GREB1L: variants seen among roughly 807,000 people sequenced by gnomAD.
GREB1L encodes GREB1 like retinoic acid receptor coactivator.
Under a neutral mutation model 200.8 loss-of-function variants are expected in GREB1L, and 17 were observed. That is an observed-to-expected ratio of 0.08 (90% confidence interval 0.06 to 0.13). The LOEUF is 0.13. Ranked by LOEUF, GREB1L falls within the 10% of genes least tolerant of loss-of-function variation. The probability of loss-of-function intolerance (pLI) is 1.00; values close to 1 mark genes in which losing one functional copy is unlikely to be tolerated. For missense variants in GREB1L, 1,657 were observed against 2,367.7 expected (o/e 0.70, Z 6.23); for synonymous variants, 789 against 893.0 (o/e 0.88, Z 2.08).
intron 4 of GREB1L, among the ~76,000 whole-genome samples, chr18:21,386,578 G>A (rs1260324296): frequency 6.8e-6 from 1 of 147,900 alleles, no homozygotes; most frequent in East Asian, 2.0e-4. Context: ...GTGAGCCACT[G>A]TGCCTGGCCA....
At chr18:21,458,002 CTTG>C (rs1299739962) in intron 15 of GREB1L, among the ~76,000 whole-genome samples, 2 of 131,562 alleles carry the variant, frequency 1.5e-5, no homozygotes, top group African/African-American at 5.9e-5. Flanking sequence ...GAGTTTTGCT[CTTG>C]TTGTACAGGC....
At chr18:21,353,989 G>A (rs1178055360) in intron 1 of GREB1L, among the ~76,000 whole-genome samples, 3 of 151,932 alleles carry the variant, frequency 2.0e-5, no homozygotes, top group African/African-American at 7.2e-5. Context: ...GGGTTTTACC[G>A]TGTTGGCCAG....
At chr18:21,304,273 CTGATA>C (rs2038664732) in intron 1 of GREB1L, among the ~76,000 whole-genome samples, 1 of 151,660 alleles carries the variant, frequency 6.6e-6, no homozygotes, top group Non-Finnish European at 1.5e-5. Flanking sequence ...TGGTCATTCT[CTGATA>C]TAAGTTATTG....
chr18:21,315,409 A>G (rs1008572581), intron 1 of GREB1L, among the ~76,000 whole-genome samples: 4 of 152,212 alleles, frequency 2.6e-5, no homozygotes, highest in African/African-American at 9.6e-5. Context: ...GACATTGATC[A>G]TTAAGAATTT....
chr18:21,490,580 C>G (rs907182167), intron 19 of GREB1L, among the ~76,000 whole-genome samples: 2 of 137,902 alleles, frequency 1.5e-5, no homozygotes, highest in African/African-American at 4.9e-5. Flanking sequence ...GTCTTCCATG[C>G]TCTCCAACTG....
chr18:21,362,244 A>C (rs2039591612), intron 1 of GREB1L, among the ~76,000 whole-genome samples: 1 of 152,164 alleles, frequency 6.6e-6, no homozygotes, highest in Non-Finnish European at 1.5e-5. Context: ...ATGTTTAAGT[A>C]ACTGATATGT....
intron 13 of GREB1L, 173 bp downstream of exon 13, chr18:21,451,324 G>A (rs2034508028): frequency 6.1e-6 from 4 of 651,810 alleles, no homozygotes; most frequent in African/African-American, 1.8e-5. Context: ...CAGTAAGGGG[G>A]TCTAGAGGAA....
chr18:21,258,477 T>C (rs2037836391), intron 1 of GREB1L, among the ~76,000 whole-genome samples: 1 of 152,214 alleles, frequency 6.6e-6, no homozygotes, highest in South Asian at 2.1e-4. Flanking sequence ...CATGGCTATG[T>C]ATTACATCCT....
intron 1 of GREB1L, among the ~76,000 whole-genome samples, chr18:21,293,606 A>G (rs2038483543): frequency 6.6e-6 from 1 of 152,138 alleles, no homozygotes; most frequent in Non-Finnish European, 1.5e-5. Context: ...TTATGGGTTT[A>G]GATACTAATA....
intron 1 of GREB1L, among the ~76,000 whole-genome samples, chr18:21,332,381 G>A (rs2039118545): frequency 6.6e-6 from 1 of 151,908 alleles, no homozygotes. Flanking sequence ...TCATGTTGCT[G>A]GTAAATGGCT....
intron 15 of GREB1L, among the ~76,000 whole-genome samples, chr18:21,466,513 G>T (rs1198623797): frequency 1.3e-5 from 2 of 151,822 alleles, no homozygotes; most frequent in Non-Finnish European, 2.9e-5. Flanking sequence ...TTAATCACAA[G>T]AATATCCAAA....
intron 1 of GREB1L, among the ~76,000 whole-genome samples, chr18:21,340,547 T>C (rs2039254199): frequency 6.6e-6 from 1 of 151,888 alleles, no homozygotes. Context: ...TCTTTCTTTT[T>C]TTTTTCTTTT....
intron 15 of GREB1L, among the ~76,000 whole-genome samples, chr18:21,467,840 C>T (rs767077199): frequency 6.6e-6 from 1 of 152,030 alleles, no homozygotes; most frequent in African/African-American, 2.4e-5. Context: ...CTGGCTAACA[C>T]AGTGAAACCC....
intron 17 of GREB1L, 28 bp downstream of exon 17, chr18:21,477,384 A>G (rs1457913888): frequency 1.3e-6 from 2 of 1,502,548 alleles, no homozygotes; most frequent in East Asian, 5.0e-5. Context: ...TGTCTGATAC[A>G]CTGTCATGTT....
chr18:21,252,036 G>A (rs2037714863), intron 1 of GREB1L, among the ~76,000 whole-genome samples: 1 of 151,082 alleles, frequency 6.6e-6, no homozygotes, highest in African/African-American at 2.4e-5. Context: ...TAATTTTAAA[G>A]TATTTTGCAA....
chr18:21,323,400 C>G (rs150953569), intron 1 of GREB1L, among the ~76,000 whole-genome samples: 2 of 152,142 alleles, frequency 1.3e-5, no homozygotes, highest in African/African-American at 4.8e-5. Flanking sequence ...ATTATCCTGA[C>G]TTTGTGAAGA....
chr18:21,300,831 G>A (rs1295949844), intron 1 of GREB1L, among the ~76,000 whole-genome samples: 3 of 152,126 alleles, frequency 2.0e-5, no homozygotes, highest in Admixed American at 6.5e-5. Context: ...GGTGGTGGGG[G>A]GAGGGAGGCT....
At chr18:21,306,517 G>A (rs2038702844) in intron 1 of GREB1L, among the ~76,000 whole-genome samples, 1 of 152,278 alleles carries the variant, frequency 6.6e-6, no homozygotes, top group African/African-American at 2.4e-5. Context: ...TGTGTTATGT[G>A]CTTGAACAAC....
intron 1 of GREB1L, among the ~76,000 whole-genome samples, chr18:21,363,375 A>C (rs2039611738): frequency 6.8e-6 from 1 of 147,280 alleles, no homozygotes; most frequent in African/African-American, 2.5e-5. Context: ...GGGAAAAGTG[A>C]GTTACAGAGT....
Sources: gnomAD v4.1 joint callset for allele counts (sites outside exome capture counted in the v4.1 genomes callset) on GRCh38, gnomAD v4.1.1 for gene constraint, MANE v1.5 for transcripts, NCBI Gene and HGNC (gene_info 2026-07-23, HGNC 2026-07-21) for gene names.